The following NTRK2 variants were observed in gnomAD, a reference collection of about 807,000 sequenced individuals.
NTRK2 encodes the protein BDNF/NT-3 growth factors receptor.
In NTRK2, 13 loss-of-function variants were observed where a neutral mutation model predicts 94.5. The observed-to-expected ratio is 0.14, with a 90% CI of 0.09 to 0.22. NTRK2 has a LOEUF of 0.22. NTRK2 is among the 10% of genes least tolerant of loss of function. The pLI is 1.00. For missense variants in NTRK2, 639 were observed against 1,071.2 expected, an observed-to-expected ratio of 0.60 and a Z score of 5.63; for synonymous variants, 372 against 407.4, an observed-to-expected ratio of 0.91 and a Z score of 1.05.
At chr9:84,716,159 TA>T (rs35205599) in intron 6 of NTRK2, among the ~76,000 whole-genome samples, 3,925 of 152,292 alleles carry the variant, frequency 0.026, 75 homozygotes, top group Admixed American at 0.047. Flanking sequence ...AGTTACTATA[TA>T]AACCATCCTT....
At chr9:84,693,819 C>T (rs1249956859) in intron 2 of NTRK2, among the ~76,000 whole-genome samples, 2 of 152,168 alleles carry the variant, frequency 1.3e-5, no homozygotes, top group Non-Finnish European at 2.9e-5. Context: ...GTTTAGTCCT[C>T]ATCCTACACT....
In NTRK2 at chr9:85,021,426, A is replaced by G. The variant is rs1299029308; in HGVS notation, c.2506A>G (p.Ile836Val). ...LAKASPVYLDILG is the reference protein window; with the variant it reads ...LAKASPVYLDVLG The stretch of plus-strand genomic sequence containing the variant: ...CAAGGCATCTCCGGTCTACCTGGAC[A>G]TTCTAGGCTAGGGCCCTTTTCCCCA... The change falls in exon 19 of 19, where the codon ATT becomes GTT. Residue 836 changes from isoleucine to valine, a missense_variant. By Grantham distance (29) the Ile-to-Val change is conservative. Transcript: ENST00000277120. 1 of 1,614,034 alleles carries G rather than the reference A, an allele frequency of 6.2e-7. No individual in the cohort carries two copies. The highest frequency in any genetic ancestry group is 1.3e-5 in the African/African-American group (1 of 74,926).
intron 17 of NTRK2, among the ~76,000 whole-genome samples, chr9:84,997,724 GA>G (rs1234723850): frequency 1.3e-5 from 2 of 152,214 alleles, no homozygotes; most frequent in Non-Finnish European, 2.9e-5. Context: ...ATTTGGAAAG[GA>G]AGTGGGCTAA....
chr9:84,871,367 A>G (rs1287228305), intron 14 of NTRK2, among the ~76,000 whole-genome samples: 1 of 152,164 alleles, frequency 6.6e-6, no homozygotes, highest in Non-Finnish European at 1.5e-5. Context: ...GATTTAAGAC[A>G]CCGGGTGAGA....
intron 12 of NTRK2, among the ~76,000 whole-genome samples, chr9:84,841,778 C>G (rs1037711817): frequency 6.6e-6 from 1 of 152,198 alleles, no homozygotes; most frequent in South Asian, 2.1e-4. Context: ...TCTCTGTCTG[C>G]CCCCACAAAA....
intron 14 of NTRK2, chr9:84,877,835 T>TCAACA: frequency 9.6e-7 from 1 of 1,043,398 alleles, no homozygotes; most frequent in Non-Finnish European, 1.2e-6. Flanking sequence ...TGTACTGGAA[T>TCAACA]TTGTGATGTA....
chr9:84,877,586 C>CCTG (rs1407894373), intron 14 of NTRK2: 4 of 1,065,816 alleles, frequency 3.8e-6, no homozygotes, highest in Admixed American at 1.1e-4. Flanking sequence ...AACCATTCAG[C>CCTG]CTGCTGCTGC....
intron 14 of NTRK2, among the ~76,000 whole-genome samples, chr9:84,879,231 C>T (rs1751380956): frequency 1.3e-5 from 2 of 151,828 alleles, no homozygotes; most frequent in African/African-American, 4.8e-5. Context: ...TGGAAAAGGA[C>T]AGGAGGGAGG....
chr9:84,950,768 G>A (rs553648548), intron 16 of NTRK2, among the ~76,000 whole-genome samples: 1 of 152,314 alleles, frequency 6.6e-6, no homozygotes, highest in African/African-American at 2.4e-5. Context: ...AAGGTCTAGT[G>A]TGTGCATTGT....
chr9:84,820,265 G>C (rs926584273), intron 12 of NTRK2, among the ~76,000 whole-genome samples: 7 of 151,094 alleles, frequency 4.6e-5, no homozygotes, highest in African/African-American at 1.7e-4. Context: ...CGCATCCCAG[G>C]TTCAAGTGAT....
chr9:84,898,708 G>A (rs183783844), intron 14 of NTRK2, among the ~76,000 whole-genome samples: 48 of 151,286 alleles, frequency 3.2e-4, no homozygotes, highest in Non-Finnish European at 1.6e-4. Flanking sequence ...ACAGAGTCTC[G>A]CTCTTTTTTT....
At chr9:84,840,316 C>T (rs554308205) in intron 12 of NTRK2, among the ~76,000 whole-genome samples, 4 of 134,872 alleles carry the variant, frequency 3.0e-5, no homozygotes, top group South Asian at 4.8e-4. Flanking sequence ...CTCTTGTCTT[C>T]GCTTTGTCTA....
chr9:85,019,658 A>G (rs991085845), intron 17 of NTRK2, among the ~76,000 whole-genome samples: 4 of 152,200 alleles, frequency 2.6e-5, no homozygotes, highest in Non-Finnish European at 4.4e-5. Flanking sequence ...TCTGTAAGCA[A>G]TCTGAATCTT....
At chr9:84,802,454 G>A (rs1182144597) in intron 12 of NTRK2, among the ~76,000 whole-genome samples, 1 of 152,222 alleles carries the variant, frequency 6.6e-6, no homozygotes, top group African/African-American at 2.4e-5. Flanking sequence ...AGGTGTTGCT[G>A]TGTAAAACCA....
chr9:84,898,898 C>T (rs1163512096), intron 14 of NTRK2, among the ~76,000 whole-genome samples: 4 of 152,114 alleles, frequency 2.6e-5, no homozygotes, highest in Non-Finnish European at 5.9e-5. Flanking sequence ...GATGGGGTTT[C>T]ACCATGTTGG....
intron 12 of NTRK2, among the ~76,000 whole-genome samples, chr9:84,817,729 G>T (rs1227556551): frequency 6.6e-6 from 1 of 152,172 alleles, no homozygotes; most frequent in Non-Finnish European, 1.5e-5. Context: ...ACAGTTTCAA[G>T]TTCCCTCAAG....
intron 17 of NTRK2, among the ~76,000 whole-genome samples, chr9:84,996,714 G>A (rs1271502191): frequency 6.6e-6 from 1 of 152,156 alleles, no homozygotes; most frequent in Admixed American, 6.6e-5. Context: ...GTCTTTAAGT[G>A]CCAAGTCTGC....
At chr9:84,837,817 T>C (rs958358289) in intron 12 of NTRK2, among the ~76,000 whole-genome samples, 1 of 152,200 alleles carries the variant, frequency 6.6e-6, no homozygotes, top group African/African-American at 2.4e-5. Flanking sequence ...TTCCTTTATA[T>C]GCTAAAGATG....
At chr9:84,931,548 A>G (rs1382358804) in intron 14 of NTRK2, among the ~76,000 whole-genome samples, 1 of 152,184 alleles carries the variant, frequency 6.6e-6, no homozygotes. Context: ...CCCATTTCCT[A>G]AAGAAAAGAT....
Sources: gnomAD v4.1 joint callset for allele counts (sites outside exome capture counted in the v4.1 genomes callset) on GRCh38, gnomAD v4.1.1 for gene constraint, MANE v1.5 for transcripts, NCBI Gene and HGNC (gene_info 2026-07-23, HGNC 2026-07-21) for gene names.